The following PDE8A variants were observed in gnomAD, a reference collection of about 807,000 sequenced individuals.
PDE8A encodes the protein phosphodiesterase 8A.
PDE8A carries 59 observed loss-of-function variants against 105.0 expected under a neutral mutation model. The observed-to-expected ratio is 0.56, with a 90% CI of 0.46 to 0.70. The LOEUF is 0.70. Among genes scored for constraint, PDE8A ranks in the 30% least tolerant of loss-of-function variants. The probability of loss-of-function intolerance (pLI) is 0.00; values close to 1 mark genes in which losing one functional copy is unlikely to be tolerated. For missense variants in PDE8A, 1,014 were observed against 1,045.9 expected (o/e 0.97, Z 0.42); for synonymous variants, 355 against 371.9 (o/e 0.95, Z 0.52).
chr15:85,075,885 C>T lies in PDE8A; in HGVS notation c.458C>T (p.Ser153Leu). The change falls in exon 4 of 22, where the codon TCA (serine) becomes TTA (leucine). Residue 153 changes from serine (S) to leucine (L), a missense_variant. By Grantham distance (145) the Ser-to-Leu change is moderately radical. Transcript: ENST00000394553. ...LCRSIRSSKL[S>L]ENTVIVGVVR... ...AGGTCTATCAGATCATCAAAACTCT[C>T]AGAAAACACAGTTATTGTTGGTGTA... is the stretch of plus-strand genomic sequence containing the variant. 6.4e-7 allele frequency: 1 copy of T among 1,570,022 alleles called. No individual in the cohort carries two copies. The highest frequency in any genetic ancestry group is 8.7e-7 in the Non-Finnish European group (1 of 1,145,130).
chr15:84,993,250 T>A lies in PDE8A; in HGVS notation c.186+10902T>A, dbSNP rs12913418. On this transcript the variant is annotated intron_variant, in intron 1 of 21. Coordinates refer to ENST00000394553, the MANE Select transcript of PDE8A (RefSeq NM_002605.3). ...CAAGGTCAGGAGATCAAGACCATCC[T>A]GGCTAACACGGTGAAACCCCGTCTC... Among the ~76,000 whole-genome samples the A allele has an allele frequency of 2.6e-5, 4 of 151,336 alleles. No homozygotes were observed. The East Asian group carries it at 7.9e-4, about 30-fold the overall frequency.
intron 1 of PDE8A, among the ~76,000 whole-genome samples, chr15:85,041,108 C>T (rs2141395634): frequency 6.6e-6 from 1 of 152,274 alleles, no homozygotes; most frequent in Non-Finnish European, 1.5e-5. Context: ...CAAGTGCAGG[C>T]ATTTTAGGCC....
chr15:85,100,781 A>AG (rs1163095269), intron 11 of PDE8A, among the ~76,000 whole-genome samples: 1 of 152,168 alleles, frequency 6.6e-6, no homozygotes, highest in Non-Finnish European at 1.5e-5. Flanking sequence ...GGGATGGTGA[A>AG]GCGCCACTCC....
intron 1 of PDE8A, among the ~76,000 whole-genome samples, chr15:85,022,163 T>A (rs1391290324): frequency 6.6e-6 from 1 of 152,242 alleles, no homozygotes; most frequent in Non-Finnish European, 1.5e-5. Flanking sequence ...GTAGCATGTT[T>A]TGACAGCTTG....
chr15:85,123,306 T>A, intron 19 of PDE8A, 113 bp downstream of exon 19: 16 of 848,478 alleles, frequency 1.9e-5, no homozygotes, highest in Non-Finnish European at 2.7e-5. Context: ...AGTGAGTCTA[T>A]TAGACTCTTA....
At chr15:85,094,027 T>G (rs2081697254) in intron 8 of PDE8A, among the ~76,000 whole-genome samples, 1 of 152,152 alleles carries the variant, frequency 6.6e-6, no homozygotes, top group Non-Finnish European at 1.5e-5. Flanking sequence ...ACCTGGCTAA[T>G]TTTTTAAGCA....
At chr15:85,089,174 C>T (rs1161752806) in intron 6 of PDE8A, among the ~76,000 whole-genome samples, 164 bp from the exon 7 acceptor site, 3 of 152,106 alleles carry the variant, frequency 2.0e-5, no homozygotes, top group Admixed American at 6.5e-5. Flanking sequence ...GTGGTGATTC[C>T]AGTGGAGGGG....
chr15:85,027,562 A>C (rs1410199770), intron 1 of PDE8A, among the ~76,000 whole-genome samples: 1 of 152,152 alleles, frequency 6.6e-6, no homozygotes, highest in Admixed American at 6.5e-5. Context: ...AGTTATTCCT[A>C]CCCTTTCAAG....
chr15:84,981,539 G>C (rs2079707575), upstream of PDE8A, among the ~76,000 whole-genome samples: 1 of 152,142 alleles, frequency 6.6e-6, no homozygotes, highest in South Asian at 2.1e-4. Flanking sequence ...GGTTTCCCTC[G>C]GACCCCGCGC....
At chr15:85,057,779 C>T (rs536717413) in intron 1 of PDE8A, among the ~76,000 whole-genome samples, 1 of 152,244 alleles carries the variant, frequency 6.6e-6, no homozygotes, top group East Asian at 1.9e-4. Flanking sequence ...GCCTTTTCTG[C>T]ATTATTTGAG....
At chr15:85,137,742 CTAAAATGTAAACAGAGGCTGTGAAAGCA>C in intron 21 of PDE8A, 27 bp from the exon 22 acceptor site, 1 of 1,165,734 alleles carries the variant, frequency 8.6e-7, no homozygotes, top group Non-Finnish European at 1.3e-6. Context: ...TAGTGAAAGC[CTAAAATGTAAACAGAGGCTGTGAAAGCA>C]TATCACATTC....
rs1289041095 is a variant in PDE8A at position 84,982,328 on chromosome 15, C to T, written c.166C>T (p.Arg56Cys). The T allele has an allele frequency of 7.5e-7, 1 of 1,326,456 alleles. No individual in the cohort carries two copies. Among genetic ancestry groups the T allele is most frequent in the Non-Finnish European group, 9.6e-7 (1 of 1,041,486 alleles). 82.2% of individuals were successfully genotyped at this position (1,326,456 alleles called of 1,614,324 possible). The part of the protein sequence containing the change: ...RGAGLLESEL[R>C]DGSGKKVAVA... ...CGCCGGCCTCTTGGAGTCGGAGCTT[C>T]GCGACGGCAGCGGCAAGAAGGTAAG... The change falls in exon 1 of 22, where the codon CGC becomes TGC. Residue 56 changes from arginine to cysteine, a missense_variant. By Grantham distance (180) the Arg-to-Cys change is radical (BLOSUM62 -3). Transcript: ENST00000394553.
chr15:85,066,503 G>T (rs1040404738), intron 2 of PDE8A, among the ~76,000 whole-genome samples: 6 of 151,616 alleles, frequency 4.0e-5, no homozygotes, highest in Non-Finnish European at 5.9e-5. Flanking sequence ...GGTGGAGGTT[G>T]CAGTGAGCTG....
intron 1 of PDE8A, among the ~76,000 whole-genome samples, chr15:85,030,607 C>G (rs1171132067): frequency 2.6e-5 from 4 of 152,194 alleles, no homozygotes; most frequent in Admixed American, 2.6e-4. Flanking sequence ...CTGACCCTGA[C>G]CCCTCTGCAG....
At chr15:85,083,405 G>A (rs1456473895) in intron 5 of PDE8A, 151 bp from the exon 6 acceptor site, 4 of 515,716 alleles carry the variant, frequency 7.8e-6, no homozygotes, top group Non-Finnish European at 1.4e-5. Flanking sequence ...TGCCCATAAA[G>A]TTTCTCTCTT....
In PDE8A at chr15:85,064,410, A is replaced by G. The variant is rs781363493; in HGVS notation, c.227A>G (p.His76Arg). ...GTGCAGTTTGGCCCCATGAGATTTC[A>G]TCAAGATCAACTTCAGGTAATAATG... ...ADVQFGPMRF[H>R]QDQLQVLLVF... is the part of the protein sequence containing the mutation. The change falls in exon 2 of 22, where the codon CAT (histidine) becomes CGT (arginine). Residue 76 changes from histidine (H) to arginine (R), a missense_variant. Coordinates refer to ENST00000394553, the MANE Select transcript of PDE8A (RefSeq NM_002605.3). 11 of 1,607,414 alleles carry G rather than the reference A, an allele frequency of 6.8e-6. No homozygotes were observed. Among genetic ancestry groups the G allele is most frequent in the Admixed American group, 1.7e-5 (1 of 59,950 alleles).
intron 5 of PDE8A, among the ~76,000 whole-genome samples, chr15:85,082,705 G>A (rs1285519280): frequency 6.6e-6 from 1 of 152,226 alleles, no homozygotes; most frequent in East Asian, 1.9e-4. Flanking sequence ...TCTTCAGCCA[G>A]GTAGAGTATT....
chr15:85,043,768 G>A (rs2080847662), intron 1 of PDE8A, among the ~76,000 whole-genome samples: 1 of 152,042 alleles, frequency 6.6e-6, no homozygotes, highest in Non-Finnish European at 1.5e-5. Flanking sequence ...TGTGATCTTG[G>A]CACACTGCAA....
chr15:85,075,767 C>T (rs1032613176), intron 3 of PDE8A, 95 bp from the exon 4 acceptor site: 5 of 664,274 alleles, frequency 7.5e-6, no homozygotes, highest in African/African-American at 1.9e-5. Flanking sequence ...TCCCTTCTAC[C>T]CCTCTTCCAA....
Sources: gnomAD v4.1 joint callset for allele counts (sites outside exome capture counted in the v4.1 genomes callset) on GRCh38, gnomAD v4.1.1 for gene constraint, MANE v1.5 for transcripts, NCBI Gene and HGNC (gene_info 2026-07-23, HGNC 2026-07-21) for gene names.